The following SLC8A3 variants were observed in gnomAD, a reference collection of about 807,000 sequenced individuals.
SLC8A3 encodes solute carrier family 8 member A3.
A neutral mutation model predicts 65.4 loss-of-function variants in SLC8A3; 37 were observed. That is an observed-to-expected ratio of 0.57 (90% CI 0.44 to 0.74). SLC8A3 has a LOEUF of 0.74. Among genes scored for constraint, SLC8A3 ranks in the 30% least tolerant of loss-of-function variants. SLC8A3 has a pLI of 0.00. For missense variants in SLC8A3, 1,112 were observed against 1,172.1 expected, an observed-to-expected ratio of 0.95 and a Z score of 0.75; for synonymous variants, 461 against 444.5, an observed-to-expected ratio of 1.04 and a Z score of -0.47.
chr14:70,099,777 T>A (rs1173116455), intron 2 of SLC8A3, among the ~76,000 whole-genome samples: 1 of 152,172 alleles, frequency 6.6e-6, no homozygotes, highest in Non-Finnish European at 1.5e-5. Context: ...ATTCCCAGAG[T>A]TCTAAGGCTA....
At chr14:70,063,288 C>T (rs75763471) in intron 2 of SLC8A3, among the ~76,000 whole-genome samples, 5 of 152,198 alleles carry the variant, frequency 3.3e-5, no homozygotes, top group Non-Finnish European at 5.9e-5. Context: ...GATAAGGTGG[C>T]TCCTAAAGCC....
chr14:70,166,907 G>A lies in SLC8A3; in HGVS notation c.1516C>T (p.Leu506Phe), dbSNP rs139519328. 57 of 1,614,070 alleles carry A rather than the reference G, an allele frequency of 3.5e-5. No homozygotes were observed. Among genetic ancestry groups the A allele is most frequent in the Non-Finnish European group, 4.6e-5 (54 of 1,180,032 alleles). The change falls in exon 2 of 7, where the codon CTT becomes TTT. Residue 506 changes from leucine to phenylalanine, a missense_variant. Transcript: ENST00000356921. ...GCTAGGACAGCCCGAGGCAAGGGAA[G>A]ACTGTTGAATATTGCTGGAGGCATC... ...EGMPPAIFNS[L>F]PLPRAVLASP...
At chr14:70,061,072 C>T in intron 2 of SLC8A3, 133 bp from the exon 3 acceptor site, 1 of 568,864 alleles carries the variant, frequency 1.8e-6, no homozygotes, top group Non-Finnish European at 3.1e-6. Flanking sequence ...TGGCTTTCAA[C>T]AGGACCATGG....
intron 2 of SLC8A3, among the ~76,000 whole-genome samples, chr14:70,124,013 C>T (rs571957467): frequency 6.6e-6 from 1 of 152,284 alleles, no homozygotes; most frequent in Non-Finnish European, 1.5e-5. Flanking sequence ...CAATTGTACA[C>T]AGTGTATTAC....
intron 2 of SLC8A3, among the ~76,000 whole-genome samples, chr14:70,099,836 AG>A: frequency 6.6e-6 from 1 of 152,216 alleles, no homozygotes; most frequent in Non-Finnish European, 1.5e-5. Context: ...TCGTTTAAAA[AG>A]CATCTGATAA....
rs774723085 is a variant in SLC8A3, at chr14:70,167,366, A to T, written c.1057T>A (p.Phe353Ile). 6.2e-7 allele frequency: 1 copy of T among 1,614,158 alleles called. No homozygotes were observed. The stretch of plus-strand genomic sequence containing the variant: ...ATACGAGTGGCTTGGATACGGTAGA[A>T]GGCACGGCTCTTCTGTTGGTGGGAA... The part of the protein sequence containing the change: ...ALSHQQKSRA[F>I]YRIQATRMMT... The change falls in exon 2 of 7, where the codon TTC (phenylalanine) becomes ATC (isoleucine). Residue 353 changes from phenylalanine to isoleucine, a missense_variant. Phe to Ile is a conservative substitution (Grantham distance 21). Coordinates refer to ENST00000356921, the MANE Select transcript of SLC8A3 (RefSeq NM_182932.3).
At chr14:70,128,021 A>G (rs546362372) in intron 2 of SLC8A3, among the ~76,000 whole-genome samples, 30 of 152,278 alleles carry the variant, frequency 2.0e-4, no homozygotes, top group Admixed American at 7.8e-4. Flanking sequence ...CCAAAGCAAC[A>G]TGTCCCAAAT....
intron 2 of SLC8A3, among the ~76,000 whole-genome samples, chr14:70,069,979 C>G (rs75208277): frequency 6.6e-6 from 1 of 152,112 alleles, no homozygotes; most frequent in South Asian, 2.1e-4. Context: ...CTGGAGAAGT[C>G]GCTCTGACTC....
intron 2 of SLC8A3, 25 bp from the exon 3 acceptor site, chr14:70,060,964 T>G (rs376924901): frequency 9.3e-7 from 1 of 1,079,610 alleles, no homozygotes. Context: ...AGAGAGAGAG[T>G]GTGTCGACTG....
chr14:70,093,897 G>A (rs1412929831), intron 2 of SLC8A3, among the ~76,000 whole-genome samples: 1 of 152,188 alleles, frequency 6.6e-6, no homozygotes, highest in Non-Finnish European at 1.5e-5. Flanking sequence ...CATGAGTTGG[G>A]CTGAACCTCA....
chr14:70,046,456 C>T lies in SLC8A3; in HGVS notation c.2390-133G>A, dbSNP rs186594562. On this transcript the variant is annotated intron_variant, in intron 6 of 6. Transcript: ENST00000356921. The surrounding 1 kb of genome is among the most constrained non-coding windows in gnomAD (Gnocchi z 4.2). ...ATGAGAGACAAGGGCTAGGGGGCCA[C>T]TCCTAACTCCTAGTTCTGCCGCAAG... 4.7e-6 allele frequency: 4 copies of T among 845,774 alleles called. No homozygotes were observed. The highest frequency in any genetic ancestry group is 7.2e-6 in the Non-Finnish European group (4 of 559,018). The allele number at this position is 845,774 out of a possible 1,614,324, so 52.4% of individuals were successfully genotyped here.
chr14:70,182,855 G>A (rs1009674973), intron 1 of SLC8A3, among the ~76,000 whole-genome samples: 4 of 152,166 alleles, frequency 2.6e-5, no homozygotes, highest in African/African-American at 9.7e-5. Context: ...ATAAGAGATG[G>A]AACTGGGGCA....
chr14:70,182,641 A>C (rs773164823), intron 1 of SLC8A3, among the ~76,000 whole-genome samples: 45 of 152,238 alleles, frequency 3.0e-4, no homozygotes, highest in Non-Finnish European at 1.3e-4. Context: ...GTTGGATGAG[A>C]CTTGGGGAGA....
chr14:70,185,577 C>A (rs1374704451), intron 1 of SLC8A3, among the ~76,000 whole-genome samples: 4 of 152,208 alleles, frequency 2.6e-5, no homozygotes, highest in Non-Finnish European at 4.4e-5. Context: ...CTTCTCCGAC[C>A]AGGAAGCTGT....
intron 2 of SLC8A3, among the ~76,000 whole-genome samples, chr14:70,161,198 G>A (rs773420770): frequency 1.4e-5 from 2 of 138,130 alleles, no homozygotes; most frequent in Non-Finnish European, 3.1e-5. Context: ...GCTGAGGCAG[G>A]AGAATGGCGT....
chr14:70,155,441 T>G (rs1427719298), intron 2 of SLC8A3, among the ~76,000 whole-genome samples: 1 of 152,162 alleles, frequency 6.6e-6, no homozygotes, highest in African/African-American at 2.4e-5. Context: ...GAGCTCAATA[T>G]TTTTAGCTCC....
At chr14:70,109,589 A>G (rs1566785657) in intron 2 of SLC8A3, among the ~76,000 whole-genome samples, 2 of 151,778 alleles carry the variant, frequency 1.3e-5, no homozygotes, top group Non-Finnish European at 2.9e-5. Flanking sequence ...CAAGGAGCTG[A>G]GACTACAGTG....
Position 70,172,967 on chromosome 14 carries a change from A to G in SLC8A3, c.-62-4483T>C, listed in dbSNP as rs80183331. Among the ~76,000 whole-genome samples the G allele has an allele frequency of 1.5e-3, 235 of 152,260 alleles. 5 individuals carry two copies. In the East Asian group the frequency reaches 0.04, roughly 26 times the overall value. On this transcript the variant is annotated intron_variant, in intron 1 of 6. Transcript: ENST00000356921. ...AGCCCAGGCAAAGGCAAAGACATGG[A>G]AACATGATGGAAAAGGCTGCTGTGG...
chr14:70,130,514 A>G (rs1364667522), intron 2 of SLC8A3, among the ~76,000 whole-genome samples: 1 of 152,230 alleles, frequency 6.6e-6, no homozygotes, highest in African/African-American at 2.4e-5. Flanking sequence ...GCTTTCCTGC[A>G]GTCCTCTGCA....
Sources: allele counts gnomAD v4.1 joint callset (sites outside exome capture counted in the v4.1 genomes callset), GRCh38; gene constraint gnomAD v4.1.1; non-coding constraint Gnocchi (gnomAD v3.1); transcripts MANE v1.5; gene names NCBI Gene and HGNC (gene_info 2026-07-23, HGNC 2026-07-21).